Variants in EFHC2 observed in about 807,000 individuals in gnomAD.
EFHC2 encodes the protein EF-hand domain containing 2.
A neutral mutation model predicts 52.7 loss-of-function variants in EFHC2; 18 were observed. The observed-to-expected ratio is 0.34, with a 90% confidence interval of 0.24 to 0.51. The LOEUF is 0.51. Among genes scored for constraint, EFHC2 ranks in the 20% least tolerant of loss-of-function variants. The probability of loss-of-function intolerance (pLI) is 0.97; values close to 1 mark genes in which losing one functional copy is unlikely to be tolerated. For missense variants in EFHC2, 513 were observed against 562.5 expected (o/e 0.91, Z 0.89); for synonymous variants, 203 against 204.1 (o/e 0.99, Z 0.04).
At chrX:44,244,029 C>A (rs2037380929) in intron 7 of EFHC2, among the ~76,000 whole-genome samples, 1 of 111,798 alleles carries the variant, frequency 8.9e-6, no homozygotes, top group Admixed American at 9.5e-5. Flanking sequence ...CCAATCTAAG[C>A]AGTCTAACCA....
intron 11 of EFHC2, among the ~76,000 whole-genome samples, chrX:44,211,866 C>CAA (rs1164155147): frequency 4.0e-4 from 20 of 50,414 alleles, no homozygotes; most frequent in South Asian, 1.3e-3. Flanking sequence ...GACTCCCTCT[C>CAA]AAAAAAAAAA....
chrX:44,164,046 T>A lies in EFHC2; in HGVS notation c.2043-19A>T, dbSNP rs1397910374. 6 of 999,367 alleles carry A rather than the reference T, an allele frequency of 6.0e-6. No individual in the cohort carries two copies. Among genetic ancestry groups the A allele is most frequent in the Non-Finnish European group, 6.6e-6 (5 of 754,950 alleles). 82.4% of individuals were successfully genotyped at this position (999,367 alleles called of 1,213,427 possible). On this transcript the variant is annotated intron_variant, in intron 13 of 14. Transcript: ENST00000420999. The stretch of plus-strand genomic sequence containing the variant: ...TTCAAACCTGAAAATATAATTATAA[T>A]ATATAATTTGACTCAATCTGCAGAA...
chrX:44,343,668 C>A lies in EFHC2; in HGVS notation c.-80G>T, dbSNP rs1457514689. 1 of 1,104,348 alleles carries A rather than the reference C, an allele frequency of 9.1e-7. No homozygotes were observed. The highest frequency in any genetic ancestry group is 3.3e-5 in the East Asian group (1 of 30,078). The allele number at this position is 1,104,348 out of a possible 1,213,427, so 91.0% of individuals were successfully genotyped here. On this transcript the variant is annotated 5_prime_UTR_variant, in exon 1 of 15. Transcript: ENST00000420999. ...GGCGCCTCCCGGCCGTGTTGTTTGGCCCCCACGTTGCCTGGAGACGGGAAG... is the reference window on the plus strand; with the variant it reads ...GGCGCCTCCCGGCCGTGTTGTTTGGACCCCACGTTGCCTGGAGACGGGAAG...
chrX:44,149,948 T>C (rs986977119), intron 14 of EFHC2, among the ~76,000 whole-genome samples: 6 of 112,361 alleles, frequency 5.3e-5, no homozygotes, highest in African/African-American at 1.9e-4. Context: ...TGTGTGTGTG[T>C]GTGTACACAT....
intron 4 of EFHC2, 104 bp from the exon 5 acceptor site, chrX:44,250,549 G>T (rs1436277342): frequency 1.2e-5 from 11 of 945,493 alleles, no homozygotes; most frequent in African/African-American, 2.0e-5. Context: ...TTTTGGTCAG[G>T]CATGGTGGCT....
chrX:44,218,752 A>G (rs1053929552), intron 11 of EFHC2, among the ~76,000 whole-genome samples: 4 of 112,440 alleles, frequency 3.6e-5, no homozygotes, highest in Non-Finnish European at 7.5e-5. Flanking sequence ...GTAAACTGAT[A>G]CAACCACTTT....
chrX:44,298,493 C>G (rs1021575043), intron 2 of EFHC2, among the ~76,000 whole-genome samples: 1 of 111,561 alleles, frequency 9.0e-6, no homozygotes, highest in South Asian at 3.7e-4. Context: ...GCAACAGAGA[C>G]GTCTAGACGG....
chrX:44,185,731 T>C (rs1030299910), intron 11 of EFHC2, among the ~76,000 whole-genome samples: 8 of 110,584 alleles, frequency 7.2e-5, no homozygotes, highest in Non-Finnish European at 5.7e-5. Flanking sequence ...AGAGATGGGG[T>C]CTTGCTATGT....
chrX:44,336,361 G>A (rs376970511), intron 1 of EFHC2, among the ~76,000 whole-genome samples: 75 of 108,247 alleles, frequency 6.9e-4, no homozygotes, highest in African/African-American at 2.5e-3. Flanking sequence ...CACTCCCCTG[G>A]GCGACAGAGT....
intron 2 of EFHC2, among the ~76,000 whole-genome samples, chrX:44,296,499 G>A (rs1225062699): frequency 9.0e-6 from 1 of 111,047 alleles, no homozygotes; most frequent in Non-Finnish European, 1.9e-5. Context: ...AAAAAGGGGG[G>A]AACATGGTAG....
At chrX:44,157,748 G>GCCCCGC (rs2036618939) in intron 14 of EFHC2, among the ~76,000 whole-genome samples, 1 of 43,498 alleles carries the variant, frequency 2.3e-5, no homozygotes, top group Non-Finnish European at 4.5e-5. Flanking sequence ...CCCCCTCCCC[G>GCCCCGC]CCCCGCTTGG....
chrX:44,204,706 TA>T (rs2037033727), intron 11 of EFHC2, among the ~76,000 whole-genome samples: 1 of 111,644 alleles, frequency 9.0e-6, no homozygotes, highest in Admixed American at 9.5e-5. Context: ...TAAAAATGAA[TA>T]AAACCTTTGA....
intron 3 of EFHC2, 90 bp from the exon 4 acceptor site, chrX:44,261,388 C>T (rs2037537520): frequency 1.2e-6 from 1 of 805,846 alleles, no homozygotes; most frequent in Non-Finnish European, 1.7e-6. Context: ...GAATACTTTC[C>T]CGCAACAGAA....
chrX:44,279,867 T>C (rs1349727088), intron 2 of EFHC2, among the ~76,000 whole-genome samples: 1 of 110,712 alleles, frequency 9.0e-6, no homozygotes, highest in Non-Finnish European at 1.9e-5. Flanking sequence ...TGAATTCCTA[T>C]GCCTAATAGA....
chrX:44,223,069 T>A (rs925706616), intron 11 of EFHC2, among the ~76,000 whole-genome samples: 3 of 112,126 alleles, frequency 2.7e-5, no homozygotes, highest in African/African-American at 9.7e-5. Flanking sequence ...TTGGGGAAAT[T>A]CCCACGTAAG....
intron 2 of EFHC2, among the ~76,000 whole-genome samples, chrX:44,282,813 G>A (rs1198702095): frequency 9.0e-6 from 1 of 110,853 alleles, no homozygotes; most frequent in African/African-American, 3.3e-5. Context: ...TGAGGGTGGA[G>A]GGGAGGAACA....
intron 2 of EFHC2, among the ~76,000 whole-genome samples, chrX:44,283,549 T>TTTTTTTA (rs1556019131): frequency 6.8e-5 from 7 of 103,556 alleles, no homozygotes; most frequent in African/African-American, 2.2e-4. Context: ...TTTTTTTTTT[T>TTTTTTTA]ACATCCGGGA....
At chrX:44,199,108 GC>G (rs2036987855) in intron 11 of EFHC2, among the ~76,000 whole-genome samples, 1 of 112,848 alleles carries the variant, frequency 8.9e-6, no homozygotes, top group South Asian at 3.6e-4. Flanking sequence ...TGGAGGTGGG[GC>G]CTGGTGGGAG....
At chrX:44,287,026 TAA>T (rs57970615) in intron 2 of EFHC2, among the ~76,000 whole-genome samples, 8 of 15,207 alleles carry the variant, frequency 5.3e-4, no homozygotes, top group African/African-American at 1.5e-3. Flanking sequence ...CTCCCATCTC[TAA>T]AAAAAAAAAA....
Sources: gnomAD v4.1 joint callset for allele counts (sites outside exome capture counted in the v4.1 genomes callset) on GRCh38, gnomAD v4.1.1 for gene constraint, MANE v1.5 for transcripts, NCBI Gene and HGNC (gene_info 2026-07-23, HGNC 2026-07-21) for gene names.